The following RNF135 variants were observed in gnomAD, a reference collection of about 807,000 sequenced individuals.
RNF135 encodes ring finger protein 135.
Under a neutral mutation model 41.9 loss-of-function variants are expected in RNF135, and 46 were observed. The ratio of observed to expected loss-of-function variants is 1.10; its 90% confidence interval spans 0.87 to 1.40. The LOEUF is 1.40. Ranked by LOEUF, RNF135 falls within the 40% of genes most tolerant of loss-of-function variation. The pLI, the probability that RNF135 is intolerant of heterozygous loss-of-function variation, is 0.00. For synonymous variants in RNF135, 238 were observed against 223.8 expected (o/e 1.06, Z -0.57); for missense variants, 539 against 549.8 (o/e 0.98, Z 0.20).
chr17:30,974,800 C>T (rs1276798717), intron 1 of RNF135, among the ~76,000 whole-genome samples: 1 of 151,958 alleles, frequency 6.6e-6, no homozygotes, highest in Non-Finnish European at 1.5e-5. Flanking sequence ...CTACCTCAGC[C>T]TCCCGAGTAG....
chr17:30,992,620 C>T (rs952416630), intron 3 of RNF135, among the ~76,000 whole-genome samples: 8 of 151,910 alleles, frequency 5.3e-5, no homozygotes, highest in African/African-American at 1.5e-4. Flanking sequence ...TGCGTGTCAC[C>T]GCACCTGGCT....
At chr17:30,964,186 G>A in the RNF135 span, among the ~76,000 whole-genome samples, 1 of 151,918 alleles carries the variant, frequency 6.6e-6, no homozygotes, top group Non-Finnish European at 1.5e-5. Context: ...TCAGGAATTT[G>A]AGACCAGCCT....
upstream of RNF135, among the ~76,000 whole-genome samples, chr17:30,966,555 C>T (rs377675111): frequency 1.6e-4 from 24 of 150,778 alleles, no homozygotes; most frequent in Non-Finnish European, 3.0e-4. Flanking sequence ...AGTGCAGTGG[C>T]GCGATCTTGG....
At chr17:30,962,100 C>T in the RNF135 span, among the ~76,000 whole-genome samples, 3 of 151,974 alleles carry the variant, frequency 2.0e-5, no homozygotes, top group African/African-American at 7.2e-5. Flanking sequence ...TTTCAAAATC[C>T]TCTTTCTCCT....
intron 1 of RNF135, among the ~76,000 whole-genome samples, chr17:30,983,331 ATATATATATATATATATATATAT>A (rs1047583776): frequency 3.3e-5 from 1 of 30,660 alleles, no homozygotes; most frequent in Non-Finnish European, 6.4e-5. Flanking sequence ...ATATATATAT[ATATATATATATATATATATATAT>A]TTTTTTTTTT....
At chr17:30,979,942 GGC>G (rs1906917581) in intron 1 of RNF135, among the ~76,000 whole-genome samples, 1 of 102,740 alleles carries the variant, frequency 9.7e-6, no homozygotes, top group Non-Finnish European at 2.0e-5. Flanking sequence ...GCCGGGCAGA[GGC>G]GCCCCTCACC....
At chr17:30,969,769 T>C (rs1003796424), upstream of RNF135, among the ~76,000 whole-genome samples, 350 of 143,886 alleles carry the variant, frequency 2.4e-3, 5 homozygotes, top group African/African-American at 7.9e-3. Flanking sequence ...CTTTTTTTTT[T>C]TTTTTTTTTT....
chr17:30,998,605 A>C, intron 4 of RNF135, 57 bp from the exon 5 acceptor site: 1 of 1,561,550 alleles, frequency 6.4e-7, no homozygotes, highest in Non-Finnish European at 8.8e-7. Context: ...ACTTCTTAGC[A>C]TGGACCATCA....
chr17:30,983,320 C>CATATAT lies in RNF135; in HGVS notation c.373-1268_373-1263dup, dbSNP rs1189144519. 2.1e-3 allele frequency among the ~76,000 whole-genome samples: 79 copies of CATATAT among 37,052 alleles called. 3 individuals carry two copies. Among genetic ancestry groups the CATATAT allele is most frequent in the South Asian group, 6.3e-3 (5 of 790 alleles). The allele number at this position is 37,052 out of a possible 152,430, so 24.3% of individuals were successfully genotyped here. ...TGGTAATTCTAATTACATATATGTA[C>CATATAT]ATATATATATATATATATATATATA... On this transcript the variant is annotated intron_variant, in intron 1 of 4. Transcript: ENST00000328381.
chr17:30,990,498 C>T (rs549713493), intron 3 of RNF135, among the ~76,000 whole-genome samples: 4 of 152,028 alleles, frequency 2.6e-5, no homozygotes, highest in East Asian at 1.9e-4. Flanking sequence ...GGGTGATGAG[C>T]GAAACACCAT....
chr17:30,982,409 G>A (rs79274620), intron 1 of RNF135, among the ~76,000 whole-genome samples: 3 of 152,198 alleles, frequency 2.0e-5, no homozygotes, highest in East Asian at 1.9e-4. Flanking sequence ...ACAAGGCAAA[G>A]TCTTTCTATT....
At chr17:30,962,035 T>C in the RNF135 span, among the ~76,000 whole-genome samples, 31,487 of 152,120 alleles carry the variant, frequency 0.21, 10,256 homozygotes, top group African/African-American at 0.7. Context: ...CATCCTTAAA[T>C]GAGCAGCCTA....
intron 1 of RNF135, chr17:30,972,818 C>T (rs762484046): frequency 3.9e-5 from 6 of 152,256 alleles, no homozygotes; most frequent in African/African-American, 1.4e-4. Context: ...GCTCTGTTGC[C>T]AGGCTGGAGT....
intron 1 of RNF135, chr17:30,979,310 G>T (rs1388683646): frequency 7.4e-6 from 1 of 135,116 alleles, no homozygotes; most frequent in Non-Finnish European, 1.6e-5. Flanking sequence ...CAGTAGGGGC[G>T]GCCGGGCAGA....
intron 3 of RNF135, among the ~76,000 whole-genome samples, chr17:30,996,301 G>T (rs1490213539): frequency 2.6e-5 from 4 of 151,850 alleles, no homozygotes; most frequent in Admixed American, 2.6e-4. Flanking sequence ...TATTGGCCAG[G>T]CTGGTCTTGA....
the RNF135 span, among the ~76,000 whole-genome samples, chr17:30,960,392 AAAAAAG>A: frequency 8.4e-4 from 128 of 151,736 alleles, no homozygotes; most frequent in Middle Eastern, 3.4e-3. Context: ...CTCCGTCTCA[AAAAAAG>A]AAAAAGAAAA....
At chr17:30,971,029 C>A, upstream of RNF135, 2 of 1,532,792 alleles carry the variant, frequency 1.3e-6, no homozygotes. Context: ...TGAGGAGACT[C>A]GCCCGGCTCA....
At chr17:30,970,703 T>A (rs780482753), upstream of RNF135, 1 of 285,398 alleles carries the variant, frequency 3.5e-6, no homozygotes, top group Non-Finnish European at 6.6e-6. Context: ...CGGTGTTGCA[T>A]CTTTTTTGTT....
chr17:30,984,839 A>G (rs1475792287), intron 2 of RNF135, 79 bp downstream of exon 2: 1 of 1,421,712 alleles, frequency 7.0e-7, no homozygotes, highest in Non-Finnish European at 9.9e-7. Context: ...ACATGAACAT[A>G]TTTGAACCTG....
Sources: allele counts gnomAD v4.1 joint callset (sites outside exome capture counted in the v4.1 genomes callset), GRCh38; gene constraint gnomAD v4.1.1; transcripts MANE v1.5; gene names NCBI Gene and HGNC (gene_info 2026-07-23, HGNC 2026-07-21).